ITGA8: variants seen among roughly 807,000 people sequenced by gnomAD.
ITGA8 encodes the protein integrin alpha-8.
A neutral mutation model predicts 142.3 loss-of-function variants in ITGA8; 91 were observed. The observed-to-expected ratio is 0.64, with a 90% CI of 0.54 to 0.76. The LOEUF is 0.76. ITGA8 is among the 30% of genes least tolerant of loss of function. The pLI is 0.00. For synonymous variants in ITGA8, 505 were observed against 485.2 expected (o/e 1.04, Z -0.54); for missense variants, 1,406 against 1,327.7 (o/e 1.06, Z -0.92).
chr10:15,638,670 A>G (rs1490654627), intron 13 of ITGA8, among the ~76,000 whole-genome samples: 1 of 152,126 alleles, frequency 6.6e-6, no homozygotes, highest in Non-Finnish European at 1.5e-5. Flanking sequence ...AAGTAGTTTG[A>G]CTTGTTTCCA....
At chr10:15,689,067 A>G (rs2131709252) in intron 2 of ITGA8, among the ~76,000 whole-genome samples, 1 of 152,354 alleles carries the variant, frequency 6.6e-6, no homozygotes, top group South Asian at 2.1e-4. Flanking sequence ...TTTGCAGATG[A>G]CATAGTCTTA....
intron 14 of ITGA8, among the ~76,000 whole-genome samples, chr10:15,616,266 A>G (rs1363878713): frequency 1.3e-5 from 2 of 152,238 alleles, no homozygotes; most frequent in East Asian, 1.9e-4. Flanking sequence ...GGGTCATTTT[A>G]TAAGATCTGC....
At chr10:15,692,368 A>G (rs926975262) in intron 2 of ITGA8, among the ~76,000 whole-genome samples, 3 of 152,136 alleles carry the variant, frequency 2.0e-5, no homozygotes, top group Non-Finnish European at 4.4e-5. Flanking sequence ...CAACCATGAC[A>G]TTTCACAACT....
At chr10:15,644,878 G>A (rs935078922) in intron 12 of ITGA8, among the ~76,000 whole-genome samples, 3 of 151,606 alleles carry the variant, frequency 2.0e-5, no homozygotes, top group Admixed American at 2.0e-4. Context: ...CGGATCATGA[G>A]GTCAGGAGAT....
chr10:15,602,943 G>T (rs533514725), intron 20 of ITGA8, among the ~76,000 whole-genome samples: 9 of 152,020 alleles, frequency 5.9e-5, no homozygotes, highest in African/African-American at 2.2e-4. Flanking sequence ...AATAATTTAG[G>T]ACTATTTTTT....
chr10:15,685,344 C>T (rs1245759649), intron 3 of ITGA8, among the ~76,000 whole-genome samples: 1 of 152,192 alleles, frequency 6.6e-6, no homozygotes, highest in East Asian at 1.9e-4. Context: ...ATGCTTATTT[C>T]CAGCTAACAT....
chr10:15,636,140 C>T (rs1473966798), intron 13 of ITGA8, among the ~76,000 whole-genome samples: 2 of 152,132 alleles, frequency 1.3e-5, no homozygotes, highest in African/African-American at 2.4e-5. Context: ...AAATCTGTAC[C>T]GCCCCTCCTC....
intron 23 of ITGA8, among the ~76,000 whole-genome samples, chr10:15,583,088 A>T (rs900441915): frequency 6.6e-6 from 1 of 152,228 alleles, no homozygotes; most frequent in African/African-American, 2.4e-5. Flanking sequence ...AAAAGAAACC[A>T]TCATAGCAAA....
At chr10:15,691,758 G>A (rs1834938640) in intron 2 of ITGA8, among the ~76,000 whole-genome samples, 1 of 152,256 alleles carries the variant, frequency 6.6e-6, no homozygotes, top group East Asian at 1.9e-4. Flanking sequence ...GTTGGGATGA[G>A]TAAATTATGG....
At chr10:15,633,783 C>T (rs1281832788) in intron 13 of ITGA8, among the ~76,000 whole-genome samples, 2 of 152,000 alleles carry the variant, frequency 1.3e-5, no homozygotes, top group African/African-American at 4.8e-5. Flanking sequence ...TCCCTTTTCC[C>T]CCCCTCACTC....
In ITGA8 at chr10:15,570,600, A is replaced by T. The variant is rs187088912; in HGVS notation, c.2637+1611T>A. ...ACTCCAGCTTGGGCAACAATAGCGA[A>T]ACTCCATCTCAAAAAAAAAAAAAAA... On this transcript the variant is annotated intron_variant, in intron 25 of 29. Transcript: ENST00000378076. Among the ~76,000 whole-genome samples, 26 of 147,926 alleles carry T rather than the reference A, an allele frequency of 1.8e-4. No individual in the cohort carries two copies. The East Asian group carries it at 4.1e-3, about 24-fold the overall frequency.
At chr10:15,630,767 G>A (rs1309706249) in intron 13 of ITGA8, among the ~76,000 whole-genome samples, 2 of 151,572 alleles carry the variant, frequency 1.3e-5, no homozygotes, top group African/African-American at 2.4e-5. Context: ...ATAATATGAG[G>A]TTCTAAACAC....
In ITGA8 at chr10:15,655,353, C is replaced by A. The variant is rs1834163710; in HGVS notation, c.1001+1G>T. 6.3e-7 allele frequency: 1 copy of A among 1,584,566 alleles called. No homozygotes were observed. The highest frequency in any genetic ancestry group is 8.7e-7 in the Non-Finnish European group (1 of 1,153,758). ...TATATGAGAGAGGTCTATAAACTTA[C>A]CCATCACTGTTAACATCTGATACGA... On this transcript the variant is annotated splice_donor_variant, in intron 11 of 29. Transcript: ENST00000378076. LOFTEE classifies it high-confidence loss of function.
chr10:15,696,149 G>A (rs1339886671), intron 2 of ITGA8, among the ~76,000 whole-genome samples: 1 of 152,220 alleles, frequency 6.6e-6, no homozygotes, highest in Non-Finnish European at 1.5e-5. Flanking sequence ...GTTACCCCGG[G>A]AGGACTGTCA....
At chr10:15,679,400 T>C (rs1834694123) in intron 4 of ITGA8, among the ~76,000 whole-genome samples, 1 of 152,104 alleles carries the variant, frequency 6.6e-6, no homozygotes, top group African/African-American at 2.4e-5. Context: ...CTGGCCAACA[T>C]GGTGAACCCC....
chr10:15,562,967 G>A (rs1834010406), intron 25 of ITGA8, among the ~76,000 whole-genome samples: 1 of 152,232 alleles, frequency 6.6e-6, no homozygotes, highest in Admixed American at 6.5e-5. Context: ...CTCATGAATG[G>A]CTTGGGCCAT....
intron 2 of ITGA8, among the ~76,000 whole-genome samples, chr10:15,711,118 T>G (rs1835355353): frequency 6.6e-6 from 1 of 152,200 alleles, no homozygotes; most frequent in African/African-American, 2.4e-5. Context: ...GTGCCTGAAT[T>G]TCATAAGGAT....
At chr10:15,639,338 TGAGCCGCCAA>T (rs1833828338) in intron 13 of ITGA8, among the ~76,000 whole-genome samples, 1 of 152,142 alleles carries the variant, frequency 6.6e-6, no homozygotes, top group Non-Finnish European at 1.5e-5. Context: ...GACCTGGAAG[TGAGCCGCCAA>T]GAATCTAGGG....
At chr10:15,534,230 C>T (rs894561213) in intron 27 of ITGA8, among the ~76,000 whole-genome samples, 8 of 152,266 alleles carry the variant, frequency 5.3e-5, no homozygotes, top group South Asian at 2.1e-4. Flanking sequence ...TCTTGACTGC[C>T]GTTTCTGGTG....
Sources: allele counts gnomAD v4.1 joint callset (sites outside exome capture counted in the v4.1 genomes callset), GRCh38; gene constraint gnomAD v4.1.1; transcripts MANE v1.5; gene names NCBI Gene and HGNC (gene_info 2026-07-23, HGNC 2026-07-21).